Variants in PTPRD observed in about 807,000 individuals in gnomAD.
PTPRD encodes the protein protein tyrosine phosphatase receptor type D, also known as receptor-type tyrosine-protein phosphatase delta.
PTPRD carries 34 observed loss-of-function variants against 214.5 expected under a neutral mutation model. The observed-to-expected ratio is 0.16, with a 90% confidence interval of 0.12 to 0.21. The LOEUF is 0.21. PTPRD is among the 10% of genes least tolerant of loss of function. The pLI is 1.00. For missense variants in PTPRD, 2,545 were observed against 2,398.7 expected (o/e 1.06, Z -1.27); for synonymous variants, 1,128 against 845.7 (o/e 1.33, Z -5.79).
chr9:10,574,792 C>T (rs1196539081), intron 2 of PTPRD, among the ~76,000 whole-genome samples: 2 of 128,774 alleles, frequency 1.6e-5, no homozygotes, highest in Non-Finnish European at 3.3e-5. Flanking sequence ...TATACACACA[C>T]ATCAAATAGA....
rs77374476 is a variant in PTPRD, at chr9:9,119,105, T to A, written c.-143+64199A>T. On this transcript the variant is annotated intron_variant, in intron 10 of 45. Transcript: ENST00000381196. ...CAACATGAAAAATATGCTAACAAAC[T>A]TGTATGTTCTTTAGTATGTCCTGCT... Among the ~76,000 whole-genome samples the A allele has an allele frequency of 1.7e-3, 264 of 152,278 alleles. 1 individual carries two copies. Among genetic ancestry groups the A allele is most frequent in the African/African-American group, 6.0e-3 (249 of 41,554 alleles).
At chr9:9,016,336 T>A (rs1159200148) in intron 11 of PTPRD, among the ~76,000 whole-genome samples, 3 of 152,182 alleles carry the variant, frequency 2.0e-5, no homozygotes, top group Admixed American at 6.6e-5. Context: ...ACATGGGCTG[T>A]GGAACAAGTT....
At chr9:10,026,724 T>C (rs943282712) in intron 4 of PTPRD, among the ~76,000 whole-genome samples, 2 of 152,124 alleles carry the variant, frequency 1.3e-5, no homozygotes, top group Admixed American at 6.6e-5. Context: ...CAATAGACAA[T>C]ATTATGTATC....
At chr9:9,961,222 T>G (rs1392703526) in intron 4 of PTPRD, among the ~76,000 whole-genome samples, 1 of 150,752 alleles carries the variant, frequency 6.6e-6, no homozygotes, top group Admixed American at 6.6e-5. Context: ...CTTTCAAGAA[T>G]AAGGATTACT....
intron 2 of PTPRD, among the ~76,000 whole-genome samples, chr9:10,497,793 T>G (rs2042519303): frequency 1.3e-5 from 2 of 152,164 alleles, no homozygotes; most frequent in South Asian, 4.1e-4. Flanking sequence ...TATGTTTATC[T>G]TCTACTTTTA....
chr9:8,708,485 C>T (rs896770341), intron 12 of PTPRD, among the ~76,000 whole-genome samples: 4 of 151,656 alleles, frequency 2.6e-5, no homozygotes, highest in African/African-American at 7.3e-5. Context: ...ACCAGCCTGA[C>T]CAACATGGTG....
intron 11 of PTPRD, among the ~76,000 whole-genome samples, chr9:8,826,645 T>C (rs145964786): frequency 6.6e-6 from 1 of 150,604 alleles, no homozygotes; most frequent in African/African-American, 2.4e-5. Context: ...TTTTTTTTTT[T>C]CTATATAGTG....
chr9:10,307,673 G>T (rs904825949), intron 3 of PTPRD, among the ~76,000 whole-genome samples: 1 of 151,952 alleles, frequency 6.6e-6, no homozygotes, highest in Admixed American at 6.6e-5. Context: ...CTCACCAACA[G>T]TGTATAACAG....
At chr9:9,291,319 A>G (rs1327979347) in intron 9 of PTPRD, among the ~76,000 whole-genome samples, 1 of 151,456 alleles carries the variant, frequency 6.6e-6, no homozygotes, top group Non-Finnish European at 1.5e-5. Context: ...GTTCTTTTAA[A>G]CCGGAAATTT....
At chr9:9,723,326 T>C (rs1217607194) in intron 7 of PTPRD, among the ~76,000 whole-genome samples, 1 of 152,118 alleles carries the variant, frequency 6.6e-6, no homozygotes, top group Non-Finnish European at 1.5e-5. Context: ...CAGTTAGCCA[T>C]AAACTTATGG....
At chr9:9,637,545 G>T (rs2095809846) in intron 7 of PTPRD, among the ~76,000 whole-genome samples, 1 of 152,162 alleles carries the variant, frequency 6.6e-6, no homozygotes, top group Non-Finnish European at 1.5e-5. Context: ...CACCTTCCTG[G>T]TACACTGGGG....
At chr9:9,302,723 T>A (rs1955859262) in intron 9 of PTPRD, among the ~76,000 whole-genome samples, 1 of 151,758 alleles carries the variant, frequency 6.6e-6, no homozygotes, top group Non-Finnish European at 1.5e-5. Flanking sequence ...AGCTCTGATA[T>A]TACCTTTTTC....
At chr9:9,540,878 C>G (rs1357342358) in intron 8 of PTPRD, among the ~76,000 whole-genome samples, 1 of 151,552 alleles carries the variant, frequency 6.6e-6, no homozygotes, top group Non-Finnish European at 1.5e-5. Context: ...CGCTGGGATG[C>G]AAAACGTTGC....
chr9:10,544,917 C>T (rs1031122317), intron 2 of PTPRD, among the ~76,000 whole-genome samples: 7 of 152,094 alleles, frequency 4.6e-5, no homozygotes, highest in Admixed American at 2.6e-4. Context: ...AATTCTGTCC[C>T]GTACTTACCT....
Position 8,351,394 on chromosome 9 carries a change from AT to A in PTPRD, c.4662-9417del, listed in dbSNP as rs1167126194. Among the ~76,000 whole-genome samples the A allele has an allele frequency of 6.0e-5, 9 of 150,528 alleles. No individual in the cohort carries two copies. The East Asian group carries it at 1.4e-3, about 23-fold the overall frequency. On this transcript the variant is annotated intron_variant, in intron 39 of 45. Coordinates refer to ENST00000381196, the MANE Select transcript of PTPRD (RefSeq NM_002839.4). ...GATAAACTTTCACTTTAGTTGAAGT[AT>A]TTTTTTGTAGCTTTTTTTTTTAACA...
chr9:10,317,852 A>C (rs1397313427), intron 3 of PTPRD, among the ~76,000 whole-genome samples: 45 of 152,130 alleles, frequency 3.0e-4, no homozygotes, highest in Non-Finnish European at 8.8e-5. Flanking sequence ...CTCACATGTG[A>C]TACATATGTA....
chr9:9,899,892 A>T (rs747574434), intron 5 of PTPRD, among the ~76,000 whole-genome samples: 1 of 152,172 alleles, frequency 6.6e-6, no homozygotes. Flanking sequence ...CACTTGTGAC[A>T]ACATAGAAAA....
chr9:10,251,784 C>A (rs2092795897), intron 3 of PTPRD, among the ~76,000 whole-genome samples: 1 of 152,062 alleles, frequency 6.6e-6, no homozygotes, highest in African/African-American at 2.4e-5. Flanking sequence ...ATAATATGAT[C>A]TCTTATTTGT....
chr9:9,461,916 C>T (rs973052664), intron 8 of PTPRD, among the ~76,000 whole-genome samples: 7 of 152,156 alleles, frequency 4.6e-5, no homozygotes, highest in African/African-American at 1.7e-4. Context: ...GCTTCTTTAA[C>T]CATTATATTT....
Sources: gnomAD v4.1 joint callset for allele counts (sites outside exome capture counted in the v4.1 genomes callset) on GRCh38, gnomAD v4.1.1 for gene constraint, MANE v1.5 for transcripts, NCBI Gene and HGNC (gene_info 2026-07-23, HGNC 2026-07-21) for gene names.